Variants in TRAM1 observed in about 807,000 individuals in gnomAD.
TRAM1 encodes translocating chain-associated membrane protein 1.
TRAM1 carries 17 observed loss-of-function variants against 48.7 expected under a neutral mutation model. The ratio of observed to expected loss-of-function variants is 0.35; its 90% CI spans 0.24 to 0.52. TRAM1 has a LOEUF of 0.52. Among genes scored for constraint, TRAM1 ranks in the 20% least tolerant of loss-of-function variants. The pLI, the probability that TRAM1 is intolerant of heterozygous loss-of-function variation, is 0.94. For missense variants in TRAM1, 351 were observed against 441.5 expected, an observed-to-expected ratio of 0.79 and a Z score of 1.84; for synonymous variants, 182 against 154.0, an observed-to-expected ratio of 1.18 and a Z score of -1.34.
intron 1 of TRAM1, 124 bp downstream of exon 1, chr8:70,607,953 G>T (rs1817787154): frequency 8.6e-6 from 11 of 1,272,162 alleles, no homozygotes; most frequent in South Asian, 1.6e-5. Context: ...AGGGACTGGG[G>T]GTCTGCACCC....
chr8:70,608,063 C>G lies in TRAM1; in HGVS notation c.123+14G>C, dbSNP rs774360950. ...GGTGGCGGGGCAGGCGGTTGGGACTCGGGGCGGGCTCACCTCAAACATGAG... is the reference window on the plus strand; with the variant it reads ...GGTGGCGGGGCAGGCGGTTGGGACTGGGGGCGGGCTCACCTCAAACATGAG... On this transcript the variant is annotated intron_variant, in intron 1 of 10. Transcript: ENST00000262213. 7 of 1,581,558 alleles carry G rather than the reference C, an allele frequency of 4.4e-6. No individual in the cohort carries two copies. The African/African-American group carries it at 5.5e-5, about 12-fold the overall frequency.
intron 8 of TRAM1, among the ~76,000 whole-genome samples, chr8:70,585,023 C>G (rs1475043363): frequency 6.6e-6 from 1 of 152,194 alleles, no homozygotes; most frequent in African/African-American, 2.4e-5. Context: ...TACCTGACTT[C>G]AAACTATACT....
In TRAM1 at chr8:70,586,059, G is replaced by A. The variant is rs555007632; in HGVS notation, c.746+836C>T. Among the ~76,000 whole-genome samples, 461 of 151,338 alleles carry A rather than the reference G, an allele frequency of 3.0e-3. 3 individuals carry two copies. Among genetic ancestry groups the A allele is most frequent in the African/African-American group, 0.011 (442 of 41,304 alleles). ...CAATGATAGACTGGATTAAGAAAATGTGGCACATATACACCATGGAATACT... is the reference window on the plus strand; with the variant it reads ...CAATGATAGACTGGATTAAGAAAATATGGCACATATACACCATGGAATACT... On this transcript the variant is annotated intron_variant, in intron 8 of 10. Coordinates refer to ENST00000262213, the MANE Select transcript of TRAM1 (RefSeq NM_014294.6).
At chr8:70,607,840 C>G (rs1326852874) in intron 1 of TRAM1, 3 of 369,566 alleles carry the variant, frequency 8.1e-6, no homozygotes, top group Non-Finnish European at 1.4e-5. Context: ...GCGGTCCCCA[C>G]CCCCTGCGGG....
intron 2 of TRAM1, 33 bp downstream of exon 2, chr8:70,599,986 T>A: frequency 6.3e-7 from 1 of 1,582,712 alleles, no homozygotes; most frequent in Non-Finnish European, 8.7e-7. Context: ...GAACTTCTAT[T>A]TACGTAGAAA....
Position 70,574,986 on chromosome 8 carries a change from T to C in TRAM1, c.1071A>G (p.Thr357=). 1 of 1,609,580 alleles carries C rather than the reference T, an allele frequency of 6.2e-7. No homozygotes were observed. The highest frequency in any genetic ancestry group is 8.5e-7 in the Non-Finnish European group (1 of 1,178,374). Residue 357 remains threonine, a synonymous_variant, in exon 11 of 11, where the codon ACA becomes ACG. Coordinates refer to ENST00000262213, the MANE Select transcript of TRAM1 (RefSeq NM_014294.6). ...GAGAGTCTGCTACATTTGAAGTTAA[T>C]GTTCCATTCACACCATTTTCTGCAA... ...KKGTENGVNG[T]LTSNVADSPR...
intron 1 of TRAM1, among the ~76,000 whole-genome samples, chr8:70,600,401 A>G (rs1817582696): frequency 5.9e-5 from 9 of 152,230 alleles, no homozygotes; most frequent in Admixed American, 5.9e-4. Flanking sequence ...CAATGAATAA[A>G]AAGTTCCTAT....
At chr8:70,581,445 A>G (rs1817071377) in intron 10 of TRAM1, among the ~76,000 whole-genome samples, 1 of 152,250 alleles carries the variant, frequency 6.6e-6, no homozygotes, top group Non-Finnish European at 1.5e-5. Flanking sequence ...AAGGGTATCA[A>G]GACAGTTCAA....
intron 6 of TRAM1, 114 bp downstream of exon 6, chr8:70,594,392 G>C (rs1425140897): frequency 8.9e-6 from 5 of 559,512 alleles, no homozygotes; most frequent in Non-Finnish European, 1.2e-5. Flanking sequence ...GGTAAGAGTT[G>C]AGGTAAGAAG....
chr8:70,607,193 T>C, intron 1 of TRAM1: 1 of 985,352 alleles, frequency 1.0e-6, no homozygotes, highest in South Asian at 4.7e-5. Context: ...TCGTTCACCT[T>C]GCAAAGTTTA....
chr8:70,607,941 T>A (rs1817786762), intron 1 of TRAM1, 136 bp downstream of exon 1: 3 of 1,143,800 alleles, frequency 2.6e-6, no homozygotes, highest in Admixed American at 4.0e-5. Flanking sequence ...GGCCTGCACC[T>A]CAGGGACTGG....
At chr8:70,597,284 G>A (rs969230159) in intron 4 of TRAM1, among the ~76,000 whole-genome samples, 23 of 152,108 alleles carry the variant, frequency 1.5e-4, no homozygotes, top group Non-Finnish European at 5.9e-5. Flanking sequence ...GAAAACACTG[G>A]GGCTGTTTTT....
Position 70,587,173 on chromosome 8 carries a change from C to A in TRAM1, c.574G>T (p.Asp192Tyr). 1 of 1,613,122 alleles carries A rather than the reference C, an allele frequency of 6.2e-7. No individual in the cohort carries two copies. ...ATGTAGACAAGCTGACGAGGAATAT[C>A]TTCCTGTAAAAAAATACATTATAGA... ...ELYFQKTKKE[D>Y]IPRQLVYIGL... The change falls in exon 7 of 11, where the codon GAT (aspartate) becomes TAT (tyrosine). Residue 192 changes from aspartate (D) to tyrosine (Y), a missense_variant. By Grantham distance (160) the Asp-to-Tyr change is radical (BLOSUM62 -3). Transcript: ENST00000262213.
At chr8:70,607,851 C>T in intron 1 of TRAM1, 2 of 403,846 alleles carry the variant, frequency 5.0e-6, no homozygotes, top group Non-Finnish European at 8.2e-6. Context: ...CCCCTGCGGG[C>T]CGCGATGAGG....
At chr8:70,593,253 G>T (rs138050428) in intron 6 of TRAM1, among the ~76,000 whole-genome samples, 155 of 152,062 alleles carry the variant, frequency 1.0e-3, no homozygotes, top group African/African-American at 3.6e-3. Context: ...ACACAGACAC[G>T]AAACAGTAGG....
intron 5 of TRAM1, among the ~76,000 whole-genome samples, 199 bp from the exon 6 acceptor site, chr8:70,594,789 C>T (rs1377531050): frequency 6.6e-6 from 1 of 152,104 alleles, no homozygotes; most frequent in Non-Finnish European, 1.5e-5. Context: ...GGACAAGACC[C>T]CTGGATTAAA....
At chr8:70,604,247 C>A (rs1291917034) in intron 1 of TRAM1, among the ~76,000 whole-genome samples, 3 of 148,776 alleles carry the variant, frequency 2.0e-5, no homozygotes, top group Non-Finnish European at 3.0e-5. Flanking sequence ...TACAACATTT[C>A]TTTAATTAAA....
intron 5 of TRAM1, among the ~76,000 whole-genome samples, chr8:70,595,277 T>C (rs897867763): frequency 6.6e-6 from 1 of 151,896 alleles, no homozygotes; most frequent in Non-Finnish European, 1.5e-5. Context: ...AAGTCTAAAA[T>C]AGAAAACACA....
Position 70,608,247 on chromosome 8 carries a change from C to A in TRAM1, c.-48G>T. 1 of 1,541,328 alleles carries A rather than the reference C, an allele frequency of 6.5e-7. No homozygotes were observed. The highest frequency in any genetic ancestry group is 8.7e-7 in the Non-Finnish European group (1 of 1,149,802). Reference sequence around the variant, plus strand: ...GCAGGTGCTCCGCCCCGGTTCTGCTCTTCCCAGCTGCTCACCGACTCGCCG... The same window carrying A: ...GCAGGTGCTCCGCCCCGGTTCTGCTATTCCCAGCTGCTCACCGACTCGCCG... On this transcript the variant is annotated 5_prime_UTR_variant, in exon 1 of 11. Coordinates refer to ENST00000262213, the MANE Select transcript of TRAM1 (RefSeq NM_014294.6).
Sources: allele counts gnomAD v4.1 joint callset (sites outside exome capture counted in the v4.1 genomes callset), GRCh38; gene constraint gnomAD v4.1.1; transcripts MANE v1.5; gene names NCBI Gene and HGNC (gene_info 2026-07-23, HGNC 2026-07-21).